Variants in MCC observed in about 807,000 individuals in gnomAD.
MCC encodes the protein colorectal mutant cancer protein.
A neutral mutation model predicts 116.2 loss-of-function variants in MCC; 90 were observed. That is an observed-to-expected ratio of 0.77 (90% CI 0.65 to 0.92). MCC has a LOEUF of 0.92. Among genes scored for constraint, MCC ranks in the 40% least tolerant of loss-of-function variants. The pLI is 0.00. For synonymous variants in MCC, 578 were observed against 510.5 expected (o/e 1.13, Z -1.78); for missense variants, 1,516 against 1,312.2 (o/e 1.16, Z -2.40).
At chr5:113,357,337 A>G (rs898609249) in intron 2 of MCC, among the ~76,000 whole-genome samples, 13 of 152,222 alleles carry the variant, frequency 8.5e-5, no homozygotes, top group African/African-American at 3.1e-4. Flanking sequence ...CTGAAAGGTA[A>G]CAATTATGAT....
At chr5:113,287,314 C>G (rs1197790236) in intron 3 of MCC, among the ~76,000 whole-genome samples, 1 of 152,130 alleles carries the variant, frequency 6.6e-6, no homozygotes, top group East Asian at 1.9e-4. Flanking sequence ...CAAAAACTAA[C>G]TTTGAAATCT....
intron 11 of MCC, among the ~76,000 whole-genome samples, chr5:113,080,224 C>T (rs1263634707): frequency 2.0e-5 from 3 of 152,220 alleles, no homozygotes; most frequent in Non-Finnish European, 4.4e-5. Context: ...ACTAGTTCAA[C>T]CATTGTGGAA....
intron 1 of MCC, among the ~76,000 whole-genome samples, chr5:113,473,653 C>T (rs1482543433): frequency 6.6e-6 from 1 of 152,182 alleles, no homozygotes; most frequent in East Asian, 1.9e-4. Flanking sequence ...CATCTCATAA[C>T]CTTCACTTAG....
chr5:113,481,392 A>G (rs1471596238), intron 1 of MCC, among the ~76,000 whole-genome samples: 1 of 152,204 alleles, frequency 6.6e-6, no homozygotes, highest in African/African-American at 2.4e-5. Context: ...CTAAATAGTC[A>G]ACAACAGAAC....
At chr5:113,189,309 A>G (rs1762042819) in intron 3 of MCC, among the ~76,000 whole-genome samples, 1 of 152,210 alleles carries the variant, frequency 6.6e-6, no homozygotes, top group African/African-American at 2.4e-5. Flanking sequence ...ACTACAGACC[A>G]TCTCCATAGT....
rs145448934 is a variant in MCC, at chr5:113,174,334, C to T, written c.628-22912G>A. Among the ~76,000 whole-genome samples the T allele has an allele frequency of 3.0e-3, 459 of 152,264 alleles. 7 individuals carry two copies. Among genetic ancestry groups the T allele is most frequent in the Admixed American group, 0.023 (348 of 15,308 alleles). On this transcript the variant is annotated intron_variant, in intron 3 of 18. Transcript: ENST00000408903. ...GAGGCTGGATGGAGTCATTGTGAAT[C>T]GTACCTACACTGCTGGTATGGATCA...
chr5:113,099,541 G>A (rs949722449), intron 8 of MCC, among the ~76,000 whole-genome samples: 3 of 152,232 alleles, frequency 2.0e-5, no homozygotes, highest in African/African-American at 7.2e-5. Flanking sequence ...CACTTTACGA[G>A]TATTATCTAA....
chr5:113,058,988 T>C (rs1373410165), intron 14 of MCC, among the ~76,000 whole-genome samples: 2 of 152,170 alleles, frequency 1.3e-5, no homozygotes, highest in Non-Finnish European at 2.9e-5. Flanking sequence ...AGTGGTTGAA[T>C]GGACTTGAGA....
chr5:113,418,543 C>T (rs934545950), intron 1 of MCC, among the ~76,000 whole-genome samples: 2 of 152,060 alleles, frequency 1.3e-5, no homozygotes, highest in African/African-American at 4.8e-5. Context: ...CCAGTTAAGC[C>T]TTGGTTTGGG....
chr5:113,288,506 C>T (rs1766349985), intron 3 of MCC, among the ~76,000 whole-genome samples: 1 of 152,198 alleles, frequency 6.6e-6, no homozygotes, highest in South Asian at 2.1e-4. Flanking sequence ...GACGAATCTG[C>T]TTTTAGGGCT....
chr5:113,244,848 A>C (rs1004539249), intron 3 of MCC, among the ~76,000 whole-genome samples: 1 of 152,224 alleles, frequency 6.6e-6, no homozygotes, highest in Non-Finnish European at 1.5e-5. Context: ...AGCACTACCC[A>C]AATATATATA....
rs755951949 is a variant in MCC at position 113,026,540 on chromosome 5, T to TCCA, written c.*759_*761dup. 19 of 152,314 alleles carry TCCA rather than the reference T, an allele frequency of 1.2e-4. No homozygotes were observed. The highest frequency in any genetic ancestry group is 2.5e-4 in the Non-Finnish European group (17 of 68,024). The allele number at this position is 152,314 out of a possible 1,614,324, so 9.4% of individuals were successfully genotyped here. ...TCTAAGTCTTGGATATTAATAAGGC[T>TCCA]CCACTGAGAGGGAGAAATCCCAGAA... is the stretch of plus-strand genomic sequence containing the variant. On this transcript the variant is annotated 3_prime_UTR_variant, in exon 19 of 19. Coordinates refer to ENST00000408903, the MANE Select transcript of MCC (RefSeq NM_001085377.2).
At chr5:113,224,426 T>G (rs1763661036) in intron 3 of MCC, among the ~76,000 whole-genome samples, 1 of 152,192 alleles carries the variant, frequency 6.6e-6, no homozygotes, top group Admixed American at 6.5e-5. Flanking sequence ...AGTGAATGCA[T>G]GCCAACTATT....
intron 3 of MCC, among the ~76,000 whole-genome samples, chr5:113,251,500 C>G (rs1341134437): frequency 3.3e-5 from 5 of 152,146 alleles, no homozygotes; most frequent in African/African-American, 1.2e-4. Flanking sequence ...TGGCAGGTAA[C>G]TAAATGATTC....
intron 1 of MCC, among the ~76,000 whole-genome samples, chr5:113,422,482 T>C (rs1292318549): frequency 6.6e-6 from 1 of 152,252 alleles, no homozygotes; most frequent in African/African-American, 2.4e-5. Flanking sequence ...ACAATGGTTA[T>C]GTTTAATAAT....
Position 113,296,821 on chromosome 5 carries a change from C to T in MCC, c.627+43698G>A, listed in dbSNP as rs543477208. Among the ~76,000 whole-genome samples, 19 of 152,160 alleles carry T rather than the reference C, an allele frequency of 1.2e-4. No homozygotes were observed. The South Asian group carries it at 3.9e-3, about 32-fold the overall frequency. On this transcript the variant is annotated intron_variant, in intron 3 of 18. Coordinates refer to ENST00000408903, the MANE Select transcript of MCC (RefSeq NM_001085377.2). ...AGTAACTAATATGAACTCAAATAGG[C>T]TAGTGTTGAATGTGATTCTGGTGTT...
chr5:113,399,322 A>T (rs938327255), intron 1 of MCC, among the ~76,000 whole-genome samples: 2 of 152,058 alleles, frequency 1.3e-5, no homozygotes, highest in African/African-American at 4.8e-5. Context: ...TGTCTCTACT[A>T]AAAATACAAA....
chr5:113,228,949 G>A (rs1323068668), intron 3 of MCC, among the ~76,000 whole-genome samples: 3 of 152,136 alleles, frequency 2.0e-5, no homozygotes, highest in East Asian at 1.9e-4. Flanking sequence ...TACATATATG[G>A]GAAAGAATGT....
At chr5:113,314,728 C>T (rs1388557742) in intron 3 of MCC, among the ~76,000 whole-genome samples, 2 of 152,184 alleles carry the variant, frequency 1.3e-5, no homozygotes, top group African/African-American at 4.8e-5. Flanking sequence ...GCTGGGACTA[C>T]AGGCATGCAC....
Sources: allele counts gnomAD v4.1 joint callset (sites outside exome capture counted in the v4.1 genomes callset), GRCh38; gene constraint gnomAD v4.1.1; transcripts MANE v1.5; gene names NCBI Gene and HGNC (gene_info 2026-07-23, HGNC 2026-07-21).